UBE2E2: variants seen among roughly 807,000 people sequenced by gnomAD.
UBE2E2 encodes ubiquitin conjugating enzyme E2 E2.
In UBE2E2, 6 loss-of-function variants were observed where a neutral mutation model predicts 24.7. The ratio of observed to expected loss-of-function variants is 0.24; its 90% CI spans 0.13 to 0.48. The LOEUF is 0.48. Ranked by LOEUF, UBE2E2 falls within the 20% of genes least tolerant of loss-of-function variation. The probability of loss-of-function intolerance (pLI) is 0.99; values close to 1 mark genes in which losing one functional copy is unlikely to be tolerated. For missense variants in UBE2E2, 169 were observed against 245.0 expected, an observed-to-expected ratio of 0.69 and a Z score of 2.07; for synonymous variants, 104 against 83.6, an observed-to-expected ratio of 1.24 and a Z score of -1.33.
chr3:23,405,273 A>T (rs539350246), intron 3 of UBE2E2, among the ~76,000 whole-genome samples: 10 of 152,264 alleles, frequency 6.6e-5, no homozygotes, highest in Non-Finnish European at 8.8e-5. Context: ...ATCATTTTTT[A>T]AAAAATGCCA....
At chr3:23,477,928 C>T (rs1699174857) in intron 3 of UBE2E2, among the ~76,000 whole-genome samples, 1 of 152,184 alleles carries the variant, frequency 6.6e-6, no homozygotes. Context: ...TGCTCCTCAC[C>T]CTTCTCTCTC....
chr3:23,534,665 T>C (rs1224746602), intron 5 of UBE2E2, among the ~76,000 whole-genome samples: 2 of 151,838 alleles, frequency 1.3e-5, no homozygotes, highest in Non-Finnish European at 2.9e-5. Flanking sequence ...ATGTCCATTC[T>C]TTTGCTTAAT....
chr3:23,392,698 A>C (rs1696968650), intron 3 of UBE2E2, among the ~76,000 whole-genome samples: 1 of 152,194 alleles, frequency 6.6e-6, no homozygotes, highest in African/African-American at 2.4e-5. Context: ...AATATTGCCT[A>C]GTAAAATGTT....
At chr3:23,459,311 A>G (rs571633563) in intron 3 of UBE2E2, among the ~76,000 whole-genome samples, 10 of 152,366 alleles carry the variant, frequency 6.6e-5, no homozygotes, top group Admixed American at 3.3e-4. Flanking sequence ...TTTCATAAAC[A>G]TTCTTCTCAT....
chr3:23,548,602 C>T (rs1297617368), intron 5 of UBE2E2, among the ~76,000 whole-genome samples: 1 of 152,074 alleles, frequency 6.6e-6, no homozygotes, highest in Non-Finnish European at 1.5e-5. Context: ...TCCCTTTTCC[C>T]GTTAGCTGGT....
rs144213968 is a variant in UBE2E2 at position 23,263,594 on chromosome 3, G to C, written c.227+46282G>C. ...TTATTTATTTTTCTATAGTGGATGA[G>C]GGCCTTTCGTTTAAGAGCTACAATG... On this transcript the variant is annotated intron_variant, in intron 3 of 5. Coordinates refer to ENST00000396703, the MANE Select transcript of UBE2E2 (RefSeq NM_152653.4). 2.4e-3 allele frequency among the ~76,000 whole-genome samples: 358 copies of C among 152,222 alleles called. 3 individuals carry two copies. The highest frequency in any genetic ancestry group is 8.2e-3 in the African/African-American group (341 of 41,542).
At chr3:23,383,823 C>G (rs897597661) in intron 3 of UBE2E2, among the ~76,000 whole-genome samples, 5 of 149,340 alleles carry the variant, frequency 3.3e-5, no homozygotes, top group African/African-American at 1.2e-4. Flanking sequence ...GTTATTGTAC[C>G]AATATGATTT....
At chr3:23,311,997 A>G (rs955007645) in intron 3 of UBE2E2, among the ~76,000 whole-genome samples, 2 of 152,184 alleles carry the variant, frequency 1.3e-5, no homozygotes, top group Non-Finnish European at 2.9e-5. Context: ...GTGGTTTCTC[A>G]TGAATGGTTT....
intron 3 of UBE2E2, among the ~76,000 whole-genome samples, chr3:23,257,512 G>GCCCCCCC (rs5847227): frequency 1.0e-3 from 32 of 31,136 alleles, no homozygotes; most frequent in South Asian, 1.7e-3. Context: ...TGTTTCCCGT[G>GCCCCCCC]CCCCCCCCCC....
At chr3:23,487,556 A>G (rs35105861) in intron 3 of UBE2E2, among the ~76,000 whole-genome samples, 9,785 of 152,312 alleles carry the variant, frequency 0.064, 474 homozygotes, top group Non-Finnish European at 0.088. Context: ...ATAAACTTAC[A>G]TAGCCATTAC....
chr3:23,269,643 G>A (rs980966702), intron 3 of UBE2E2, among the ~76,000 whole-genome samples: 3 of 152,104 alleles, frequency 2.0e-5, no homozygotes, highest in Admixed American at 6.5e-5. Flanking sequence ...AACTACTCTG[G>A]GCACCAAAGA....
At chr3:23,521,714 G>A (rs1449912532) in intron 4 of UBE2E2, among the ~76,000 whole-genome samples, 2 of 152,078 alleles carry the variant, frequency 1.3e-5, no homozygotes, top group African/African-American at 4.8e-5. Context: ...GGTTTTGTTT[G>A]TTTGTTTGTT....
intron 5 of UBE2E2, among the ~76,000 whole-genome samples, chr3:23,542,714 G>C (rs1040107652): frequency 1.3e-5 from 2 of 152,050 alleles, no homozygotes; most frequent in African/African-American, 4.8e-5. Flanking sequence ...TTAAAAATCA[G>C]TCGTCTTTTC....
intron 2 of UBE2E2, among the ~76,000 whole-genome samples, chr3:23,216,831 G>T (rs1696489105): frequency 6.6e-6 from 1 of 152,122 alleles, no homozygotes; most frequent in East Asian, 1.9e-4. Context: ...CTTGATGGCA[G>T]TTTCAGGTGT....
intron 4 of UBE2E2, among the ~76,000 whole-genome samples, chr3:23,528,265 G>T (rs1399464343): frequency 6.6e-6 from 1 of 152,182 alleles, no homozygotes; most frequent in Middle Eastern, 3.2e-3. Flanking sequence ...CCTTCAGTGG[G>T]TAAATGGGTA....
At chr3:23,562,905 C>T (rs1209652192) in intron 5 of UBE2E2, among the ~76,000 whole-genome samples, 3 of 152,120 alleles carry the variant, frequency 2.0e-5, no homozygotes, top group South Asian at 2.1e-4. Flanking sequence ...TCTGTGGGAT[C>T]GGTAGTGATA....
chr3:23,493,775 TG>T (rs1455418526), intron 3 of UBE2E2, among the ~76,000 whole-genome samples: 1 of 152,226 alleles, frequency 6.6e-6, no homozygotes, highest in African/African-American at 2.4e-5. Flanking sequence ...TATTTTTTTT[TG>T]ATGTACACAT....
At chr3:23,379,341 C>G (rs1425010155) in intron 3 of UBE2E2, among the ~76,000 whole-genome samples, 1 of 150,474 alleles carries the variant, frequency 6.6e-6, no homozygotes, top group East Asian at 1.9e-4. Context: ...TGCGCTGCAC[C>G]CACTAACTCG....
intron 3 of UBE2E2, among the ~76,000 whole-genome samples, chr3:23,484,627 C>T (rs993655476): frequency 6.6e-6 from 1 of 152,088 alleles, no homozygotes; most frequent in African/African-American, 2.4e-5. Context: ...ACTCCATTTT[C>T]GTACTGCTGT....
Sources: allele counts gnomAD v4.1 joint callset (sites outside exome capture counted in the v4.1 genomes callset), GRCh38; gene constraint gnomAD v4.1.1; transcripts MANE v1.5; gene names NCBI Gene and HGNC (gene_info 2026-07-23, HGNC 2026-07-21).